Variants in C1QTNF3 observed in about 807,000 individuals in gnomAD.
The protein encoded by C1QTNF3 is C1q and TNF related 3.
A neutral mutation model predicts 32.6 loss-of-function variants in C1QTNF3; 26 were observed. That is an observed-to-expected ratio of 0.80 (90% CI 0.58 to 1.11). C1QTNF3 has a LOEUF of 1.11. Ranked by LOEUF, C1QTNF3 falls within the 50% of genes least tolerant of loss-of-function variation. C1QTNF3 has a pLI of 0.00. For synonymous variants in C1QTNF3, 155 were observed against 146.0 expected (o/e 1.06, Z -0.44); for missense variants, 362 against 398.2 (o/e 0.91, Z 0.77).
At chr5:34,156,941 G>C in the C1QTNF3 span, among the ~76,000 whole-genome samples, 2 of 152,168 alleles carry the variant, frequency 1.3e-5, no homozygotes, top group Non-Finnish European at 2.9e-5. Flanking sequence ...CACAATTTCA[G>C]AAAGTGGTAA....
chr5:34,236,305 C>T, the C1QTNF3 span, among the ~76,000 whole-genome samples: 2 of 151,818 alleles, frequency 1.3e-5, no homozygotes, highest in East Asian at 3.9e-4. Context: ...GCAGGAGAAT[C>T]GCTTGAACCC....
chr5:34,228,122 C>T, the C1QTNF3 span, among the ~76,000 whole-genome samples: 1 of 151,692 alleles, frequency 6.6e-6, no homozygotes, highest in Non-Finnish European at 1.5e-5. Context: ...TCAACCTTTT[C>T]GGAAGGTAGA....
chr5:34,209,212 G>T, the C1QTNF3 span, among the ~76,000 whole-genome samples: 82 of 152,102 alleles, frequency 5.4e-4, no homozygotes, highest in African/African-American at 2.0e-3. Context: ...ATAGCCTGGT[G>T]GCCTTAAATG....
the C1QTNF3 span, among the ~76,000 whole-genome samples, chr5:34,086,077 G>A: frequency 1.3e-5 from 2 of 149,142 alleles, no homozygotes; most frequent in Admixed American, 6.6e-5. Flanking sequence ...AAGAAAATGT[G>A]GCACATATAC....
the C1QTNF3 span, among the ~76,000 whole-genome samples, chr5:34,238,863 GA>G: frequency 2.6e-4 from 39 of 150,650 alleles, no homozygotes; most frequent in African/African-American, 9.5e-4. Flanking sequence ...AAATACAAAA[GA>G]AAAAAAAATC....
chr5:34,035,678 G>A lies in C1QTNF3; in HGVS notation c.384C>T (p.Pro128=). The change falls in exon 2 of 6, where the codon CCC becomes CCT. Residue 128 remains proline (P), a synonymous_variant. Coordinates refer to ENST00000382065, the MANE Select transcript of C1QTNF3 (RefSeq NM_181435.6). The stretch of plus-strand genomic sequence containing the variant: ...TGCCAGGAGGGCCCGGTGGCCCAGG[G>A]GGGCCTTGGTAGCCTCGAAAGCTGT... ...GDYSFRGYQG[P]PGPPGPPGIP... 1 of 1,611,134 alleles carries A rather than the reference G, an allele frequency of 6.2e-7. No individual in the cohort carries two copies. The highest frequency in any genetic ancestry group is 8.5e-7 in the Non-Finnish European group (1 of 1,179,114).
At chr5:34,071,548 G>GA in the C1QTNF3 span, among the ~76,000 whole-genome samples, 48 of 147,686 alleles carry the variant, frequency 3.3e-4, no homozygotes, top group African/African-American at 5.5e-4. Flanking sequence ...ACCAGAAACT[G>GA]AAAAAAAAAC....
At chr5:34,039,779 T>G (rs898280740) in intron 1 of C1QTNF3, among the ~76,000 whole-genome samples, 1 of 152,222 alleles carries the variant, frequency 6.6e-6, no homozygotes, top group African/African-American at 2.4e-5. Flanking sequence ...TACTAAAGTA[T>G]TTTCCAAAGC....
At chr5:34,163,814 C>G in the C1QTNF3 span, among the ~76,000 whole-genome samples, 3 of 152,156 alleles carry the variant, frequency 2.0e-5, no homozygotes, top group Admixed American at 2.0e-4. Flanking sequence ...TTCAACCCTT[C>G]TGTAACCTTT....
At chr5:34,050,244 A>C in the C1QTNF3 span, among the ~76,000 whole-genome samples, 3 of 152,152 alleles carry the variant, frequency 2.0e-5, no homozygotes, top group African/African-American at 7.2e-5. Context: ...CACCCCAGTT[A>C]GCCAGTTACT....
At chr5:34,141,660 T>C in the C1QTNF3 span, among the ~76,000 whole-genome samples, 1 of 152,272 alleles carries the variant, frequency 6.6e-6, no homozygotes, top group African/African-American at 2.4e-5. Context: ...GAATCTCATT[T>C]ATATGTGGAA....
the C1QTNF3 span, among the ~76,000 whole-genome samples, chr5:34,233,023 T>C: frequency 3.3e-5 from 5 of 150,246 alleles, no homozygotes; most frequent in African/African-American, 1.2e-4. Flanking sequence ...CCAAATAGTA[T>C]TCAGTAATAA....
chr5:34,201,202 T>TGTGTTCTCTTTTGTTC, the C1QTNF3 span, among the ~76,000 whole-genome samples: 2 of 151,572 alleles, frequency 1.3e-5, no homozygotes, highest in African/African-American at 4.8e-5. Flanking sequence ...TTTGTTCTCT[T>TGTGTTCTCTTTTGTTC]TCATTACAGT....
At chr5:34,071,902 C>T in the C1QTNF3 span, among the ~76,000 whole-genome samples, 3 of 151,972 alleles carry the variant, frequency 2.0e-5, no homozygotes, top group Admixed American at 6.6e-5. Context: ...GGGAAAGAAA[C>T]GGAGTTCACA....
At chr5:34,231,473 TAATC>T in the C1QTNF3 span, among the ~76,000 whole-genome samples, 5 of 152,222 alleles carry the variant, frequency 3.3e-5, no homozygotes, top group African/African-American at 9.6e-5. Context: ...CTTGATGACA[TAATC>T]AATATCATGG....
At chr5:34,230,057 T>C in the C1QTNF3 span, among the ~76,000 whole-genome samples, 3 of 152,124 alleles carry the variant, frequency 2.0e-5, no homozygotes, top group African/African-American at 7.2e-5. Flanking sequence ...ATGAACCAAA[T>C]ATACCAGCAC....
intron 4 of C1QTNF3, among the ~76,000 whole-genome samples, chr5:34,026,231 C>A (rs1754454990): frequency 1.3e-5 from 2 of 152,096 alleles, no homozygotes; most frequent in Non-Finnish European, 2.9e-5. Flanking sequence ...GGAGATAACA[C>A]GAGGTTGGGC....
chr5:34,020,773 G>T (rs899879523), intron 5 of C1QTNF3, 31 bp from the exon 6 acceptor site: 1 of 1,600,072 alleles, frequency 6.2e-7, no homozygotes, highest in Non-Finnish European at 8.5e-7. Flanking sequence ...AAACTACTTA[G>T]TTTTTGCCAT....
the C1QTNF3 span, among the ~76,000 whole-genome samples, chr5:34,220,340 A>T: frequency 1.3e-5 from 2 of 152,090 alleles, no homozygotes; most frequent in African/African-American, 2.4e-5. Flanking sequence ...ATGCCATTTT[A>T]TTGTAAGACT....
Sources: allele counts gnomAD v4.1 joint callset (sites outside exome capture counted in the v4.1 genomes callset), GRCh38; gene constraint gnomAD v4.1.1; transcripts MANE v1.5; gene names NCBI Gene and HGNC (gene_info 2026-07-23, HGNC 2026-07-21).